PCDHGB3: variants seen among roughly 807,000 people sequenced by gnomAD.
The protein encoded by PCDHGB3 is protocadherin gamma subfamily B, 3, also known as protocadherin gamma-B3.
In PCDHGB3, 40 loss-of-function variants were observed where a neutral mutation model predicts 59.2. The observed-to-expected ratio is 0.68, with a 90% CI of 0.52 to 0.88. PCDHGB3 has a LOEUF of 0.88. PCDHGB3 is among the 40% of genes least tolerant of loss of function. PCDHGB3 has a pLI of 0.00. For missense variants in PCDHGB3, 1,309 were observed against 1,187.9 expected (o/e 1.10, Z -1.50); for synonymous variants, 581 against 503.6 (o/e 1.15, Z -2.06).
chr5:141,507,296 C>T (rs1020117646), intron 3 of PCDHGB3: 1 of 141,360 alleles, frequency 7.1e-6, no homozygotes, highest in Non-Finnish European at 1.5e-5. Flanking sequence ...TCAAATGTTG[C>T]ATGAGACATA....
chr5:141,385,870 A>G (rs2150302172), intron 1 of PCDHGB3: 1 of 153,178 alleles, frequency 6.5e-6, no homozygotes, highest in African/African-American at 2.4e-5. Flanking sequence ...AGAAGGTTGG[A>G]TTTATGCCTA....
At chr5:141,374,030 T>C (rs1023437506) in intron 1 of PCDHGB3, 4 of 1,430,336 alleles carry the variant, frequency 2.8e-6, no homozygotes, top group African/African-American at 1.4e-5. Flanking sequence ...GCAAAAGTGA[T>C]GCAGATCTGT....
chr5:141,425,530 A>G (rs1485711838), intron 1 of PCDHGB3, among the ~76,000 whole-genome samples: 1 of 152,246 alleles, frequency 6.6e-6, no homozygotes, highest in Non-Finnish European at 1.5e-5. Flanking sequence ...ACATGAAACA[A>G]TAATCCTTTT....
At chr5:141,422,171 T>C (rs1204753893) in intron 1 of PCDHGB3, 4 of 1,564,922 alleles carry the variant, frequency 2.6e-6, no homozygotes, top group Non-Finnish European at 3.4e-6. Context: ...AAATATAGAT[T>C]CTATGAGATG....
rs781173070 is a variant in PCDHGB3, at chr5:141,374,478, G to T, written c.2415+1669G>T. 3.1e-6 allele frequency: 5 copies of T among 1,611,820 alleles called. No homozygotes were observed. In the Admixed American group the frequency reaches 5.0e-5, roughly 16 times the overall value. The stretch of plus-strand genomic sequence containing the variant: ...GTGGACATTAATGACAATACACCCC[G>T]ATTCTTAAAGGAAGAATTGGAAGTG... On this transcript the variant is annotated intron_variant, in intron 1 of 3. Coordinates refer to ENST00000576222, the MANE Select transcript of PCDHGB3 (RefSeq NM_018924.5).
At chr5:141,482,530 C>CAAAAAAAAAAAA (rs3074545) in intron 1 of PCDHGB3, among the ~76,000 whole-genome samples, 11 of 76,552 alleles carry the variant, frequency 1.4e-4, no homozygotes, top group African/African-American at 2.9e-4. Flanking sequence ...GACAGACATG[C>CAAAAAAAAAAAA]AAAAAAAAAA....
chr5:141,418,620 A>T lies in PCDHGB3; in HGVS notation c.2415+45811A>T, dbSNP rs762197476. 180 of 1,613,904 alleles carry T rather than the reference A, an allele frequency of 1.1e-4. No homozygotes were observed. The highest frequency in any genetic ancestry group is 1.5e-4 in the Non-Finnish European group (172 of 1,179,900). On this transcript the variant is annotated intron_variant, in intron 1 of 3. Coordinates refer to ENST00000576222, the MANE Select transcript of PCDHGB3 (RefSeq NM_018924.5). The stretch of plus-strand genomic sequence containing the variant: ...GTGTACAGGGTTAGCCTTCGGGAAG[A>T]CGTGCCTCCAGGCACCTCCATCCTG...
intron 1 of PCDHGB3, chr5:141,418,539 A>C (rs984639830): frequency 6.2e-7 from 1 of 1,614,034 alleles, no homozygotes; most frequent in East Asian, 2.2e-5. Flanking sequence ...GGTACTGCTC[A>C]GATAAGAATC....
At chr5:141,415,738 AGGTTTTT>A in intron 1 of PCDHGB3, 2 of 538,082 alleles carry the variant, frequency 3.7e-6, no homozygotes, top group Non-Finnish European at 5.4e-6. Flanking sequence ...ATGTTTATTA[AGGTTTTT>A]TTTTTTTTTT....
chr5:141,476,744 C>A lies in PCDHGB3; in HGVS notation c.2416-18063C>A, dbSNP rs1168392300. ...CCTGGACCGAGAACGGGAGCCTAGT[C>A]TCCAGTTAGTGCTGACGGCGTTGGA... On this transcript the variant is annotated intron_variant, in intron 1 of 3. Coordinates refer to ENST00000576222, the MANE Select transcript of PCDHGB3 (RefSeq NM_018924.5). The surrounding 1 kb of genome is among the most constrained non-coding windows in gnomAD (Gnocchi z 7.6). 1.2e-6 allele frequency: 2 copies of A among 1,614,046 alleles called. No individual in the cohort carries two copies. Among genetic ancestry groups the A allele is most frequent in the Admixed American group, 3.3e-5 (2 of 60,034 alleles).
In PCDHGB3 at chr5:141,512,839, C is replaced by T. The variant is rs141207714; in HGVS notation, c.*1666C>T. ...GACCCCCTCCCCCGTACTGACTTCTCCTATAAGCGCTTCTCTTCGCATAGT... is the reference window on the plus strand; with the variant it reads ...GACCCCCTCCCCCGTACTGACTTCTTCTATAAGCGCTTCTCTTCGCATAGT... On this transcript the variant is annotated 3_prime_UTR_variant, in exon 4 of 4. Transcript: ENST00000576222. 278 of 152,216 alleles carry T rather than the reference C, an allele frequency of 1.8e-3. 2 individuals are homozygous for T. Among genetic ancestry groups the T allele is most frequent in the Middle Eastern group, 0.01 (3 of 292 alleles). 9.4% of individuals were successfully genotyped at this position (152,216 alleles called of 1,614,324 possible). A position where few individuals can be genotyped will look rare whatever the true frequency, so the allele number is the denominator to read the frequency against.
intron 1 of PCDHGB3, chr5:141,427,834 C>A: frequency 6.5e-7 from 1 of 1,542,566 alleles, no homozygotes; most frequent in Non-Finnish European, 8.9e-7. Flanking sequence ...GCGCAGCGTG[C>A]CTTCGACCAC....
chr5:141,404,579 A>G (rs1390358900), intron 1 of PCDHGB3: 1 of 1,614,002 alleles, frequency 6.2e-7, no homozygotes, highest in Non-Finnish European at 8.5e-7. Flanking sequence ...CCCACCACTT[A>G]GCAGCAATGT....
In PCDHGB3 at chr5:141,489,372, G is replaced by A. The variant is rs1335356378; in HGVS notation, c.2416-5435G>A. 2 of 1,613,814 alleles carry A rather than the reference G, an allele frequency of 1.2e-6. No individual in the cohort carries two copies. Among genetic ancestry groups the A allele is most frequent in the Non-Finnish European group, 1.7e-6 (2 of 1,179,700 alleles). On this transcript the variant is annotated intron_variant, in intron 1 of 3. Transcript: ENST00000576222. The surrounding 1 kb of genome is among the most constrained non-coding windows in gnomAD (Gnocchi z 4.5). ...TGGAGGAGTCTGAGCCGGGGACGCT[G>A]GTGGGGAATGTTGCTCAGGATCTGG...
chr5:141,433,174 G>A (rs1298757358), intron 1 of PCDHGB3: 1 of 1,610,308 alleles, frequency 6.2e-7, no homozygotes, highest in Non-Finnish European at 8.5e-7. Context: ...ACAGTCATGG[G>A]TTAATTGAGG....
At chr5:141,405,145 G>A (rs772542898) in intron 1 of PCDHGB3, 4 of 1,613,952 alleles carry the variant, frequency 2.5e-6, no homozygotes, top group African/African-American at 2.7e-5. Context: ...CCAGTGATGG[G>A]TTGGCTGGTG....
intron 1 of PCDHGB3, among the ~76,000 whole-genome samples, chr5:141,386,342 A>C (rs1000567568): frequency 2.0e-5 from 3 of 152,226 alleles, no homozygotes; most frequent in Non-Finnish European, 2.9e-5. Context: ...GGGGTGGATG[A>C]CAAGGTAATC....
chr5:141,478,315 A>G, intron 1 of PCDHGB3: 1 of 1,613,998 alleles, frequency 6.2e-7, no homozygotes, highest in Non-Finnish European at 8.5e-7. Flanking sequence ...CGGTGAGCTC[A>G]CTGTACCGAA....
rs1446853595 is a variant in PCDHGB3 at position 141,491,363 on chromosome 5, C to A, written c.2416-3444C>A. The A allele has an allele frequency of 1.2e-6, 2 of 1,614,182 alleles. No homozygotes were observed. Among genetic ancestry groups the A allele is most frequent in the South Asian group, 2.2e-5 (2 of 91,082 alleles). On this transcript the variant is annotated intron_variant, in intron 1 of 3. Coordinates refer to ENST00000576222, the MANE Select transcript of PCDHGB3 (RefSeq NM_018924.5). The surrounding 1 kb of genome is among the most constrained non-coding windows in gnomAD (Gnocchi z 6.9). ...ACCGTCAGTCTCTTATCCCTAGTCA[C>A]CTTCACCTTTCTGTCAGCGAAGTGC...
Sources: gnomAD v4.1 joint callset for allele counts (sites outside exome capture counted in the v4.1 genomes callset) on GRCh38, gnomAD v4.1.1 for gene constraint, Gnocchi (gnomAD v3.1) non-coding constraint, MANE v1.5 for transcripts, NCBI Gene and HGNC (gene_info 2026-07-23, HGNC 2026-07-21) for gene names.